The following TRPM1 variants were observed in gnomAD, a reference collection of about 807,000 sequenced individuals.
The protein encoded by TRPM1 is transient receptor potential cation channel subfamily M member 1.
A neutral mutation model predicts 149.4 loss-of-function variants in TRPM1; 113 were observed. The observed-to-expected ratio is 0.76, with a 90% confidence interval of 0.65 to 0.88. The LOEUF (loss-of-function observed/expected upper bound fraction) is 0.88. Among genes scored for constraint, TRPM1 ranks in the 40% least tolerant of loss-of-function variants. TRPM1 has a pLI of 0.00. For synonymous variants in TRPM1, 741 were observed against 759.5 expected, an observed-to-expected ratio of 0.98 and a Z score of 0.40; for missense variants, 1,976 against 2,038.7, an observed-to-expected ratio of 0.97 and a Z score of 0.59.
At chr15:31,149,888 T>C (rs2036276297) in intron 1 of TRPM1, among the ~76,000 whole-genome samples, 2 of 152,346 alleles carry the variant, frequency 1.3e-5, no homozygotes, top group African/African-American at 4.8e-5. Flanking sequence ...CTTGAAGATA[T>C]TCTGTTGGCG....
intron 7 of TRPM1, among the ~76,000 whole-genome samples, chr15:31,063,620 C>A (rs1260029799): frequency 2.0e-5 from 3 of 152,006 alleles, no homozygotes; most frequent in African/African-American, 7.3e-5. Flanking sequence ...GCCACCACAC[C>A]TGGCTAATTT....
intron 1 of TRPM1, among the ~76,000 whole-genome samples, chr15:31,116,456 G>C (rs1313430540): frequency 1.3e-5 from 2 of 151,798 alleles, no homozygotes; most frequent in Non-Finnish European, 2.9e-5. Flanking sequence ...AAAAATACAA[G>C]AATTAGCTGG....
At position 31,002,732 on chromosome 15, in the gene TRPM1, G is replaced by GT. The variant is rs765296730; in HGVS notation, c.3967dup (p.Thr1323AsnfsTer45). The GT allele has an allele frequency of 2.5e-6, 4 of 1,614,158 alleles. No homozygotes were observed. The highest frequency in any genetic ancestry group is 3.4e-6 in the Non-Finnish European group (4 of 1,180,034). ...CTCTTCCTTTATACGGAAGGAACAG[G>GT]TTTTTTTCCTGACTCCTGTCCCTGG... is the stretch of plus-strand genomic sequence containing the variant. On this transcript the variant is annotated frameshift_variant, in exon 28 of 28. Coordinates refer to ENST00000256552, the MANE Select transcript of TRPM1 (RefSeq NM_001252024.2). LOFTEE classifies it low-confidence loss of function (END_TRUNC).
intron 12 of TRPM1, 95 bp from the exon 13 acceptor site, chr15:31,049,604 G>C (rs889660145): frequency 6.9e-7 from 1 of 1,444,608 alleles, no homozygotes; most frequent in South Asian, 1.1e-5. Flanking sequence ...TATTCCGAAC[G>C]CCAGATTCCA....
intron 27 of TRPM1, among the ~76,000 whole-genome samples, chr15:31,025,135 C>T (rs2032678836): frequency 6.6e-6 from 1 of 152,136 alleles, no homozygotes; most frequent in Non-Finnish European, 1.5e-5. Flanking sequence ...GTTTTTATGG[C>T]TCTCAATGTG....
intron 22 of TRPM1, 106 bp downstream of exon 22, chr15:31,032,583 A>C: frequency 1.4e-6 from 2 of 1,420,070 alleles, no homozygotes; most frequent in Admixed American, 1.7e-5. Context: ...AGCCAACTGC[A>C]AAAGAAAAAC....
chr15:31,057,187 G>A (rs1485683711), intron 11 of TRPM1, among the ~76,000 whole-genome samples: 4 of 152,196 alleles, frequency 2.6e-5, no homozygotes, highest in African/African-American at 7.2e-5. Context: ...TAACAATTAA[G>A]AGAATAGATA....
chr15:31,121,778 C>T (rs1596085677), intron 1 of TRPM1, among the ~76,000 whole-genome samples: 1 of 152,056 alleles, frequency 6.6e-6, no homozygotes, highest in East Asian at 1.9e-4. Flanking sequence ...CCATCTTTTC[C>T]ACAAAATGGA....
chr15:31,004,716 T>C, intron 27 of TRPM1, among the ~76,000 whole-genome samples: 1 of 152,170 alleles, frequency 6.6e-6, no homozygotes, highest in African/African-American at 2.4e-5. Flanking sequence ...CTAAGGGTTC[T>C]CTCTCCTCTT....
intron 11 of TRPM1, among the ~76,000 whole-genome samples, chr15:31,054,857 A>G (rs998202789): frequency 3.9e-5 from 6 of 152,154 alleles, no homozygotes; most frequent in Admixed American, 6.5e-5. Flanking sequence ...AATTATAGTC[A>G]CTATGTTGTA....
At chr15:31,134,937 C>T (rs1052749948) in intron 1 of TRPM1, among the ~76,000 whole-genome samples, 10 of 151,822 alleles carry the variant, frequency 6.6e-5, no homozygotes, top group South Asian at 2.1e-4. Flanking sequence ...TGGGAGGCAG[C>T]GGAGGTTGCA....
At chr15:31,065,827 C>A (rs2140960579) in intron 7 of TRPM1, among the ~76,000 whole-genome samples, 1 of 152,324 alleles carries the variant, frequency 6.6e-6, no homozygotes, top group South Asian at 2.1e-4. Flanking sequence ...GCAAGGCCAT[C>A]ACCATGGCGA....
intron 11 of TRPM1, among the ~76,000 whole-genome samples, chr15:31,058,927 C>CA (rs968229689): frequency 7.3e-5 from 11 of 151,476 alleles, no homozygotes; most frequent in East Asian, 3.9e-4. Flanking sequence ...ACTAAAAATG[C>CA]AAAAAAAATT....
rs1006868054 is a variant in TRPM1, at chr15:31,040,448, A to T, written c.2088-102T>A. The T allele has an allele frequency of 3.2e-6, 3 of 943,606 alleles. No homozygotes were observed. Among genetic ancestry groups the T allele is most frequent in the Non-Finnish European group, 3.4e-6 (2 of 592,238 alleles). 58.5% of individuals were successfully genotyped at this position (943,606 alleles called of 1,614,324 possible). ...GACTTATGGAGCCACGGGACACAGT[A>T]TCCTTCACTGGAGGGGCTCTGAGGT... On this transcript the variant is annotated intron_variant, in intron 17 of 27. Transcript: ENST00000256552. This position sits in a 1 kb window ranked among gnomAD's most constrained non-coding sequence, Gnocchi z 4.2.
chr15:31,086,454 C>T (rs1252610608), intron 1 of TRPM1, among the ~76,000 whole-genome samples: 1 of 152,268 alleles, frequency 6.6e-6, no homozygotes, highest in East Asian at 1.9e-4. Context: ...TGCCCCATCG[C>T]AGAGGGGACC....
chr15:31,091,399 C>A (rs1156845051), intron 1 of TRPM1, among the ~76,000 whole-genome samples: 1 of 152,230 alleles, frequency 6.6e-6, no homozygotes, highest in African/African-American at 2.4e-5. Flanking sequence ...TGCTGGGGAC[C>A]AGCGTGCACA....
intron 1 of TRPM1, among the ~76,000 whole-genome samples, chr15:31,148,426 G>A (rs376921978): frequency 5.9e-5 from 9 of 152,150 alleles, no homozygotes; most frequent in East Asian, 1.9e-4. Flanking sequence ...AGGAGAGAAC[G>A]CTCCATCCTG....
At chr15:31,156,153 T>C (rs916915221) in intron 1 of TRPM1, among the ~76,000 whole-genome samples, 7 of 124,228 alleles carry the variant, frequency 5.6e-5, no homozygotes, top group Admixed American at 2.2e-4. Context: ...GTCGAGATTG[T>C]ACCACTGCAC....
At chr15:31,088,805 G>GT (rs1317882555) in intron 1 of TRPM1, among the ~76,000 whole-genome samples, 11 of 152,052 alleles carry the variant, frequency 7.2e-5, no homozygotes, top group East Asian at 3.9e-4. Flanking sequence ...TTTCTGCTGG[G>GT]GGGATGCGTC....
Sources: allele counts gnomAD v4.1 joint callset (sites outside exome capture counted in the v4.1 genomes callset), GRCh38; gene constraint gnomAD v4.1.1; non-coding constraint Gnocchi (gnomAD v3.1); transcripts MANE v1.5; gene names NCBI Gene and HGNC (gene_info 2026-07-23, HGNC 2026-07-21).